UGT1A10: variants seen among roughly 807,000 people sequenced by gnomAD.
UGT1A10 encodes UDP glucuronosyltransferase family 1 member A10, also known as UDP-glucuronosyltransferase 1A10.
UGT1A10 carries 49 observed loss-of-function variants against 45.8 expected under a neutral mutation model. The observed-to-expected ratio is 1.07, with a 90% CI of 0.85 to 1.36. The LOEUF (loss-of-function observed/expected upper bound fraction) is 1.36, where lower values mean the gene tolerates loss of function less well. UGT1A10 is among the 40% of genes most tolerant of loss of function. The pLI is 0.00. For missense variants in UGT1A10, 745 were observed against 668.6 expected, an observed-to-expected ratio of 1.11 and a Z score of -1.26; for synonymous variants, 284 against 249.7, an observed-to-expected ratio of 1.14 and a Z score of -1.29.
At chr2:233,705,248 A>G (rs2125599704) in intron 1 of UGT1A10, among the ~76,000 whole-genome samples, 1 of 152,180 alleles carries the variant, frequency 6.6e-6, no homozygotes, top group African/African-American at 2.4e-5. Flanking sequence ...ATGAATTCAG[A>G]TTATTCTATG....
At chr2:233,689,523 A>G (rs189708973) in intron 1 of UGT1A10, among the ~76,000 whole-genome samples, 31 of 152,380 alleles carry the variant, frequency 2.0e-4, no homozygotes, top group African/African-American at 7.5e-4. Flanking sequence ...TGGTTTGGTC[A>G]TGAGAAGTGA....
At chr2:233,646,883 C>T (rs1411415408) in intron 1 of UGT1A10, among the ~76,000 whole-genome samples, 7 of 152,176 alleles carry the variant, frequency 4.6e-5, no homozygotes, top group African/African-American at 1.7e-4. Context: ...AGTAGCAATC[C>T]ACTCTACTGG....
rs1350462977 is a variant in UGT1A10, at chr2:233,675,425, T to A, written c.855+38048T>A. Among the ~76,000 whole-genome samples, 4 of 152,200 alleles carry A rather than the reference T, an allele frequency of 2.6e-5. No individual in the cohort carries two copies. In the East Asian group the frequency reaches 7.7e-4, roughly 29 times the overall value. On this transcript the variant is annotated intron_variant, in intron 1 of 4. Coordinates refer to ENST00000344644, the MANE Select transcript of UGT1A10 (RefSeq NM_019075.4). ...GATGAGTTCCAACAGAATTAATGAC[T>A]GGTTTTAGGTGAAAAGAATTCAGGC... is the stretch of plus-strand genomic sequence containing the variant.
chr2:233,663,018 G>A (rs2074005909), intron 1 of UGT1A10, among the ~76,000 whole-genome samples: 1 of 151,812 alleles, frequency 6.6e-6, no homozygotes, highest in Non-Finnish European at 1.5e-5. Flanking sequence ...ACCACTTTAG[G>A]TGCACAGTTC....
At chr2:233,693,725 G>C in intron 1 of UGT1A10, 1 of 1,614,208 alleles carries the variant, frequency 6.2e-7, no homozygotes, top group Non-Finnish European at 8.5e-7. Flanking sequence ...CAAGAGAGAT[G>C]TGGATATAAT....
intron 1 of UGT1A10, among the ~76,000 whole-genome samples, chr2:233,662,265 A>G (rs1445699964): frequency 2.6e-5 from 4 of 152,190 alleles, no homozygotes; most frequent in Non-Finnish European, 5.9e-5. Context: ...ACTCGTTGCT[A>G]TATATATTTT....
At chr2:233,672,889 T>C in intron 1 of UGT1A10, 1 of 1,513,176 alleles carries the variant, frequency 6.6e-7, no homozygotes, top group East Asian at 2.3e-5. Context: ...ATTTGTTTCA[T>C]TTCAAATTTC....
chr2:233,729,312 C>G (rs747184472), intron 1 of UGT1A10: 38 of 1,614,236 alleles, frequency 2.4e-5, no homozygotes, highest in Admixed American at 5.0e-5. Flanking sequence ...TGGTCCTCAC[C>G]CCAGAGGTGA....
At chr2:233,698,156 C>T (rs1023372379) in intron 1 of UGT1A10, among the ~76,000 whole-genome samples, 1 of 152,042 alleles carries the variant, frequency 6.6e-6, no homozygotes, top group African/African-American at 2.4e-5. Context: ...CCCAGCATGT[C>T]GTCCTAGAGA....
At chr2:233,640,450 C>G (rs1446974822) in intron 1 of UGT1A10, among the ~76,000 whole-genome samples, 1 of 152,062 alleles carries the variant, frequency 6.6e-6, no homozygotes, top group Admixed American at 6.6e-5. Flanking sequence ...TCACACCTAA[C>G]ACAATAATAA....
intron 1 of UGT1A10, among the ~76,000 whole-genome samples, chr2:233,735,302 G>A (rs1400766071): frequency 6.6e-6 from 1 of 151,808 alleles, no homozygotes; most frequent in Non-Finnish European, 1.5e-5. Flanking sequence ...TTTTGTTAAA[G>A]TCTGTTTTAT....
intron 1 of UGT1A10, chr2:233,671,701 G>T (rs2074197268): frequency 1.8e-6 from 1 of 564,104 alleles, no homozygotes; most frequent in Non-Finnish European, 2.2e-6. Context: ...CTGCCCCCAA[G>T]GCAAAGACCA....
In UGT1A10 at chr2:233,693,797, A is replaced by G. The variant is rs1165673859; in HGVS notation, c.855+56420A>G. 3.7e-6 allele frequency: 6 copies of G among 1,614,084 alleles called. No homozygotes were observed. Among genetic ancestry groups the G allele is most frequent in the Non-Finnish European group, 5.1e-6 (6 of 1,180,034 alleles). On this transcript the variant is annotated intron_variant, in intron 1 of 4. Coordinates refer to ENST00000344644, the MANE Select transcript of UGT1A10 (RefSeq NM_019075.4). The stretch of plus-strand genomic sequence containing the variant: ...ATATGACTTTGTGCTTGAATATCCT[A>G]GGCCGGTCATGCCCAACATGGTCTT...
At chr2:233,682,586 C>A in intron 1 of UGT1A10, 3 of 1,613,922 alleles carry the variant, frequency 1.9e-6, no homozygotes, top group Non-Finnish European at 2.5e-6. Context: ...CTTGGAGGAA[C>A]ATTTATTTTG....
chr2:233,655,352 G>A (rs2741038), intron 1 of UGT1A10, among the ~76,000 whole-genome samples: 33,450 of 152,054 alleles, frequency 0.22, 4,686 homozygotes, highest in South Asian at 0.38. Context: ...AACACTGGAA[G>A]TCTCACGTCC....
intron 1 of UGT1A10, chr2:233,729,180 T>G: frequency 6.2e-6 from 10 of 1,613,900 alleles, no homozygotes; most frequent in Non-Finnish European, 7.6e-6. Context: ...GACTGCTGCT[T>G]CTCCTCAGTG....
rs1298347226 is a variant in UGT1A10, at chr2:233,768,214, T to C, written c.1076-6T>C. ...CTGCTGACATCCTCCCTATTTTGCA[T>C]CTCAGGTCACCCGATGACCCGTGCC... On this transcript the variant is annotated splice_polypyrimidine_tract_variant and splice_region_variant and intron_variant, in intron 3 of 4. Coordinates refer to ENST00000344644, the MANE Select transcript of UGT1A10 (RefSeq NM_019075.4). The C allele has an allele frequency of 3.7e-6, 6 of 1,614,204 alleles. No homozygotes were observed. The highest frequency in any genetic ancestry group is 5.1e-6 in the Non-Finnish European group (6 of 1,180,044).
At chr2:233,761,667 C>T (rs1186419843) in intron 1 of UGT1A10, among the ~76,000 whole-genome samples, 1 of 152,258 alleles carries the variant, frequency 6.6e-6, no homozygotes, top group African/African-American at 2.4e-5. Flanking sequence ...AATCACCAGA[C>T]AGTCAGGTTC....
At chr2:233,705,662 A>G (rs1466344578) in intron 1 of UGT1A10, among the ~76,000 whole-genome samples, 3 of 152,204 alleles carry the variant, frequency 2.0e-5, no homozygotes, top group African/African-American at 7.2e-5. Context: ...CATAAATTAT[A>G]GTTGTGAGAT....
Sources: allele counts gnomAD v4.1 joint callset (sites outside exome capture counted in the v4.1 genomes callset), GRCh38; gene constraint gnomAD v4.1.1; transcripts MANE v1.5; gene names NCBI Gene and HGNC (gene_info 2026-07-23, HGNC 2026-07-21).